USH1C: variants seen among roughly 807,000 people sequenced by gnomAD.
The protein encoded by USH1C is USH1 protein network component harmonin.
In USH1C, 90 loss-of-function variants were observed where a neutral mutation model predicts 119.3. The ratio of observed to expected loss-of-function variants is 0.75; its 90% CI spans 0.64 to 0.90. The LOEUF is 0.90. Ranked by LOEUF, USH1C falls within the 40% of genes least tolerant of loss-of-function variation. USH1C has a pLI of 0.00. For synonymous variants in USH1C, 465 were observed against 443.3 expected (o/e 1.05, Z -0.62); for missense variants, 1,165 against 1,167.7 (o/e 1.00, Z 0.03).
chr11:17,507,397 T>G (rs1312117188), intron 18 of USH1C, among the ~76,000 whole-genome samples: 1 of 152,202 alleles, frequency 6.6e-6, no homozygotes, highest in African/African-American at 2.4e-5. Flanking sequence ...AGTGGGAACT[T>G]GGTGATGCCT....
chr11:17,533,367 G>GC lies in USH1C; in HGVS notation c.37-46dup, dbSNP rs1554963799. The GC allele has an allele frequency of 3.0e-5, 42 of 1,390,868 alleles. No individual in the cohort carries two copies. The African/African-American group carries it at 3.1e-4, about 10-fold the overall frequency. 86.2% of individuals were successfully genotyped at this position (1,390,868 alleles called of 1,614,324 possible). ...AATCACAGCTCCAGGCTCAGCACCC[G>GC]CCCCCATAGCAGACCTCAGGGAGGA... On this transcript the variant is annotated intron_variant, in intron 1 of 26. Transcript: ENST00000005226.
rs41282932 is a variant in USH1C at position 17,509,546 on chromosome 11, G to C, written c.1823C>G (p.Pro608Arg). Residue 608 changes from proline to arginine, a missense_variant, in exon 18 of 27, where the codon CCG (proline) becomes CGG (arginine). Pro to Arg is a moderately radical substitution (Grantham distance 103). Transcript: ENST00000005226. ...GAGGTCTTGGGTGGGAACGGATGGCGGGGGAGGGATGGGAATGGGGGGTGG... is the reference window on the plus strand; with the variant it reads ...GAGGTCTTGGGTGGGAACGGATGGCCGGGGAGGGATGGGAATGGGGGGTGG... Reference protein sequence around the residue: ...RTPPPIPIPPPPSVPTQDLTP... With the variant: ...RTPPPIPIPPRPSVPTQDLTP... 6.9e-4 allele frequency: 1,109 copies of C among 1,602,700 alleles called. 1 individual carries two copies. Among genetic ancestry groups the C allele is most frequent in the Non-Finnish European group, 8.6e-4 (1,009 of 1,173,504 alleles).
At position 17,531,120 on chromosome 11, in the gene USH1C, C is replaced by T. The variant is rs766492801; in HGVS notation, c.387+34G>A. 3.1e-6 allele frequency: 5 copies of T among 1,613,374 alleles called. No homozygotes were observed. Among genetic ancestry groups the T allele is most frequent in the East Asian group, 2.2e-5 (1 of 44,898 alleles). On this transcript the variant is annotated intron_variant, in intron 4 of 26. Transcript: ENST00000005226. This position sits in a 1 kb window ranked among gnomAD's most constrained non-coding sequence, Gnocchi z 4.2. The stretch of plus-strand genomic sequence containing the variant: ...AGGGGGAGGCAGGAGGTCCGAGGCC[C>T]TCGCTCCCCCTCCCCCGGACTCTGT...
At chr11:17,524,221 A>G (rs934985081) in intron 9 of USH1C, among the ~76,000 whole-genome samples, 3 of 152,228 alleles carry the variant, frequency 2.0e-5, no homozygotes, top group Non-Finnish European at 4.4e-5. Flanking sequence ...GATTACCATT[A>G]CGACATTCCC....
At chr11:17,499,706 G>A (rs903648606) in intron 23 of USH1C, among the ~76,000 whole-genome samples, 1 of 152,232 alleles carries the variant, frequency 6.6e-6, no homozygotes, top group African/African-American at 2.4e-5. Context: ...AGCTTAAAGT[G>A]TGAAGTCACC....
intron 18 of USH1C, 143 bp downstream of exon 18, chr11:17,509,213 A>G: frequency 8.4e-7 from 1 of 1,183,864 alleles, no homozygotes; most frequent in Non-Finnish European, 1.1e-6. Context: ...CCACACATGC[A>G]CACGGAGGGG....
At chr11:17,542,878 C>T (rs1338960376) in intron 1 of USH1C, among the ~76,000 whole-genome samples, 4 of 152,218 alleles carry the variant, frequency 2.6e-5, no homozygotes, top group Admixed American at 6.5e-5. Flanking sequence ...CCTTGGTATT[C>T]GCCAGCCCCT....
Position 17,523,480 on chromosome 11 carries a change from T to C in USH1C, c.760-2A>G. 6.2e-7 allele frequency: 1 copy of C among 1,614,126 alleles called. No homozygotes were observed. On this transcript the variant is annotated splice_acceptor_variant, in intron 9 of 26. Coordinates refer to ENST00000005226, the MANE Select transcript of USH1C (RefSeq NM_153676.4). LOFTEE classifies it high-confidence loss of function. ...GACTTCGACAATCTGGTCCCCTATCTGGTGGGGAAATGGAGAAAGATTAGT... is the reference window on the plus strand; with the variant it reads ...GACTTCGACAATCTGGTCCCCTATCCGGTGGGGAAATGGAGAAAGATTAGT...
At chr11:17,544,125 A>G in intron 1 of USH1C, 147 bp downstream of exon 1, 1 of 1,010,882 alleles carries the variant, frequency 9.9e-7, no homozygotes, top group Non-Finnish European at 1.5e-6. Context: ...CCCTGCTGCC[A>G]GCCAGACGAC....
chr11:17,495,149 A>C (rs982250369), intron 26 of USH1C: 14 of 244,586 alleles, frequency 5.7e-5, no homozygotes, highest in Non-Finnish European at 1.1e-4. Flanking sequence ...GAATTTTCAC[A>C]TTCTGTTGAG....
intron 18 of USH1C, among the ~76,000 whole-genome samples, chr11:17,508,164 A>G (rs2133812450): frequency 6.6e-6 from 1 of 152,336 alleles, no homozygotes; most frequent in East Asian, 1.9e-4. Context: ...GTGCAAGGCT[A>G]ACTCAGCTCT....
intron 8 of USH1C, among the ~76,000 whole-genome samples, chr11:17,525,012 C>T (rs1379203983): frequency 6.6e-6 from 1 of 152,140 alleles, no homozygotes; most frequent in African/African-American, 2.4e-5. Context: ...TGGCTCAGAT[C>T]CCTTATTCTA....
At chr11:17,513,748 G>A (rs1850008191) in intron 15 of USH1C, among the ~76,000 whole-genome samples, 1 of 152,072 alleles carries the variant, frequency 6.6e-6, no homozygotes, top group African/African-American at 2.4e-5. Context: ...CTGCCTAATG[G>A]TAGCTTGCTA....
rs1849261742 is a variant in USH1C, at chr11:17,496,754, T to C, written c.2546+4A>G. 1 of 1,614,052 alleles carries C rather than the reference T, an allele frequency of 6.2e-7. No homozygotes were observed. The highest frequency in any genetic ancestry group is 8.5e-7 in the Non-Finnish European group (1 of 1,179,994). On this transcript the variant is annotated splice_donor_region_variant and intron_variant, in intron 25 of 26. Coordinates refer to ENST00000005226, the MANE Select transcript of USH1C (RefSeq NM_153676.4). ...TCTCAGGCTAGGTGCTTGCACACAC[T>C]TACAGCTCATCGTCATACTCCTTTG... is the stretch of plus-strand genomic sequence containing the variant.
Position 17,495,691 on chromosome 11 carries a change from G to A in USH1C, c.2547-14C>T, listed in dbSNP as rs1029468686. The A allele has an allele frequency of 6.2e-7, 1 of 1,613,552 alleles. No homozygotes were observed. Among genetic ancestry groups the A allele is most frequent in the Admixed American group, 1.7e-5 (1 of 60,018 alleles). On this transcript the variant is annotated splice_polypyrimidine_tract_variant and intron_variant, in intron 25 of 26. Transcript: ENST00000005226. ...GGAAGAGAAGCTCTATATATACAGA[G>A]CAGAGCAAGAAACACAAAACAGGCT...
chr11:17,535,504 T>C (rs1851200519), intron 1 of USH1C, among the ~76,000 whole-genome samples: 1 of 152,248 alleles, frequency 6.6e-6, no homozygotes, highest in African/African-American at 2.4e-5. Flanking sequence ...CTCTGTGAAT[T>C]GTTTTCTCTG....
intron 15 of USH1C, among the ~76,000 whole-genome samples, chr11:17,512,917 G>A (rs1320409707): frequency 6.6e-6 from 1 of 152,164 alleles, no homozygotes; most frequent in Admixed American, 6.5e-5. Flanking sequence ...GACCCACCGA[G>A]CCTGCATTCC....
At chr11:17,535,938 A>G (rs1851217473) in intron 1 of USH1C, among the ~76,000 whole-genome samples, 1 of 152,178 alleles carries the variant, frequency 6.6e-6, no homozygotes, top group South Asian at 2.1e-4. Context: ...CACGATGACC[A>G]TTGATTGTGA....
Position 17,495,687 on chromosome 11 carries a change from C to T in USH1C, c.2547-10G>A, listed in dbSNP as rs753129475. 2.2e-5 allele frequency: 35 copies of T among 1,613,222 alleles called. No individual in the cohort carries two copies. The highest frequency in any genetic ancestry group is 2.9e-5 in the Non-Finnish European group (34 of 1,179,336). Reference sequence around the variant, plus strand: ...GGAGGGAAGAGAAGCTCTATATATACAGAGCAGAGCAAGAAACACAAAACA... The same window carrying T: ...GGAGGGAAGAGAAGCTCTATATATATAGAGCAGAGCAAGAAACACAAAACA... On this transcript the variant is annotated splice_polypyrimidine_tract_variant and intron_variant, in intron 25 of 26. Transcript: ENST00000005226.
Sources: allele counts gnomAD v4.1 joint callset (sites outside exome capture counted in the v4.1 genomes callset), GRCh38; gene constraint gnomAD v4.1.1; non-coding constraint Gnocchi (gnomAD v3.1); transcripts MANE v1.5; gene names NCBI Gene and HGNC (gene_info 2026-07-23, HGNC 2026-07-21).